Variants in TEX11 observed in about 807,000 individuals in gnomAD.
The protein encoded by TEX11 is testis expressed 11.
Under a neutral mutation model 84.4 loss-of-function variants are expected in TEX11, and 7 were observed. The observed-to-expected ratio is 0.08, with a 90% CI of 0.05 to 0.16. The LOEUF (loss-of-function observed/expected upper bound fraction) is 0.16. TEX11 is among the 10% of genes least tolerant of loss of function. The pLI is 1.00. For missense variants in TEX11, 551 were observed against 660.5 expected (o/e 0.83, Z 1.82); for synonymous variants, 264 against 222.8 (o/e 1.18, Z -1.64).
chrX:70,532,409 C>T (rs2087899252), intron 28 of TEX11, among the ~76,000 whole-genome samples: 2 of 112,461 alleles, frequency 1.8e-5, no homozygotes, highest in African/African-American at 3.2e-5. Context: ...AACAGACCTC[C>T]GTGTGGGAAA....
At chrX:70,871,195 G>C (rs1365220900) in intron 4 of TEX11, among the ~76,000 whole-genome samples, 1 of 112,682 alleles carries the variant, frequency 8.9e-6, no homozygotes, top group Non-Finnish European at 1.9e-5. Flanking sequence ...TTATAGGCGT[G>C]AGCCACCGCT....
intron 14 of TEX11, among the ~76,000 whole-genome samples, chrX:70,680,690 G>T (rs1188291023): frequency 9.0e-6 from 1 of 111,077 alleles, no homozygotes; most frequent in East Asian, 2.8e-4. Context: ...ATTCAGACAG[G>T]TTTTCATCAT....
chrX:70,750,409 C>T (rs1049710696), intron 9 of TEX11, among the ~76,000 whole-genome samples: 58 of 111,492 alleles, frequency 5.2e-4, no homozygotes, highest in Middle Eastern at 4.2e-3. Flanking sequence ...TTGACCCAGC[C>T]ATCCCATTAC....
the TEX11 span, among the ~76,000 whole-genome samples, chrX:70,518,977 C>A: frequency 8.9e-6 from 1 of 111,766 alleles, no homozygotes; most frequent in South Asian, 3.7e-4. Context: ...AGATCTTCCT[C>A]CATCCTTTTA....
chrX:70,637,225 C>T (rs746594882), intron 17 of TEX11, among the ~76,000 whole-genome samples: 1 of 111,693 alleles, frequency 9.0e-6, no homozygotes, highest in Non-Finnish European at 1.9e-5. Flanking sequence ...GTCAGAATGA[C>T]TATTATTAAA....
chrX:70,575,288 C>T (rs1302196094), intron 25 of TEX11, among the ~76,000 whole-genome samples: 1 of 111,497 alleles, frequency 9.0e-6, no homozygotes, highest in Non-Finnish European at 1.9e-5. Context: ...AGAATGGGCA[C>T]ATCACAAATC....
chrX:70,572,116 A>G (rs2088607433), intron 25 of TEX11, among the ~76,000 whole-genome samples: 1 of 110,471 alleles, frequency 9.1e-6, no homozygotes, highest in Non-Finnish European at 1.9e-5. Flanking sequence ...CAAAGGGCTA[A>G]TATCCAGAAT....
intron 11 of TEX11, among the ~76,000 whole-genome samples, chrX:70,727,869 G>C (rs1439099675): frequency 1.8e-5 from 2 of 111,658 alleles, no homozygotes; most frequent in African/African-American, 6.5e-5. Flanking sequence ...TTTTGATCTT[G>C]GACATCTCAG....
intron 16 of TEX11, among the ~76,000 whole-genome samples, chrX:70,666,163 T>C (rs1423840981): frequency 9.0e-6 from 1 of 111,516 alleles, no homozygotes; most frequent in East Asian, 2.8e-4. Context: ...TAAAATATAA[T>C]GAGAAAACAA....
intron 15 of TEX11, 33 bp from the exon 16 acceptor site, chrX:70,670,547 C>G: frequency 1.7e-6 from 2 of 1,170,035 alleles, no homozygotes; most frequent in Non-Finnish European, 2.3e-6. Flanking sequence ...AAAATCACAG[C>G]GATGTCGCTA....
chrX:70,601,462 C>T (rs1401643481), intron 24 of TEX11, among the ~76,000 whole-genome samples: 3 of 100,556 alleles, frequency 3.0e-5, no homozygotes, highest in African/African-American at 1.1e-4. Flanking sequence ...GGTACCATAC[C>T]TTCTGAAACT....
At chrX:70,744,292 C>G in intron 9 of TEX11, 73 bp from the exon 10 acceptor site, 1 of 433,086 alleles carries the variant, frequency 2.3e-6, no homozygotes, top group African/African-American at 2.7e-5. Context: ...ATATAATTTT[C>G]AAGATTATAT....
At chrX:70,675,520 C>T (rs757519805) in intron 15 of TEX11, among the ~76,000 whole-genome samples, 2 of 110,239 alleles carry the variant, frequency 1.8e-5, no homozygotes, top group African/African-American at 6.6e-5. Context: ...CTCCTAGCCC[C>T]TGGAAACCAC....
chrX:70,907,131 C>T (rs757882389), intron 2 of TEX11, among the ~76,000 whole-genome samples: 4 of 111,582 alleles, frequency 3.6e-5, no homozygotes, highest in East Asian at 2.8e-4. Flanking sequence ...TTATTTTTCA[C>T]GGATGATTAT....
chrX:70,780,559 G>A (rs760357751), intron 9 of TEX11, among the ~76,000 whole-genome samples: 134 of 112,210 alleles, frequency 1.2e-3, no homozygotes, highest in African/African-American at 4.2e-3. Context: ...CTAGCCAAGG[G>A]AAGCTGTGAC....
chrX:70,569,416 C>A (rs1170032061), intron 25 of TEX11, among the ~76,000 whole-genome samples: 4 of 112,223 alleles, frequency 3.6e-5, no homozygotes, highest in Non-Finnish European at 7.5e-5. Context: ...CGTCAAAGTC[C>A]TTCTCCGTCC....
At chrX:70,812,326 C>G (rs2091260834) in intron 8 of TEX11, among the ~76,000 whole-genome samples, 1 of 110,275 alleles carries the variant, frequency 9.1e-6, no homozygotes, top group Non-Finnish European at 1.9e-5. Context: ...CCTGCCTCAG[C>G]CTTCTGAGTA....
chrX:70,856,847 AT>A (rs200216273), intron 5 of TEX11, among the ~76,000 whole-genome samples: 6 of 96,969 alleles, frequency 6.2e-5, no homozygotes, highest in South Asian at 5.1e-4. Context: ...CGTTCAACAG[AT>A]TTTTTTTTTA....
intron 11 of TEX11, among the ~76,000 whole-genome samples, chrX:70,729,485 C>A (rs1162485676): frequency 8.9e-6 from 1 of 111,875 alleles, no homozygotes; most frequent in African/African-American, 3.2e-5. Context: ...GAGCTGAAAA[C>A]CACAGCACAA....
Sources: gnomAD v4.1 joint callset for allele counts (sites outside exome capture counted in the v4.1 genomes callset) on GRCh38, gnomAD v4.1.1 for gene constraint, MANE v1.5 for transcripts, NCBI Gene and HGNC (gene_info 2026-07-23, HGNC 2026-07-21) for gene names.